ACHE: variants seen among roughly 807,000 people sequenced by gnomAD.
ACHE encodes acetylcholinesterase (Yt blood group), also known as acetylcholinesterase.
A neutral mutation model predicts 53.9 loss-of-function variants in ACHE; 19 were observed. The observed-to-expected ratio is 0.35, with a 90% CI of 0.25 to 0.52. The LOEUF (loss-of-function observed/expected upper bound fraction) is 0.52, where lower values mean the gene tolerates loss of function less well. Among genes scored for constraint, ACHE ranks in the 20% least tolerant of loss-of-function variants. The pLI, the probability that ACHE is intolerant of heterozygous loss-of-function variation, is 0.95. For missense variants in ACHE, 605 were observed against 849.4 expected, an observed-to-expected ratio of 0.71 and a Z score of 3.58; for synonymous variants, 392 against 378.1, an observed-to-expected ratio of 1.04 and a Z score of -0.43.
At chr7:100,894,597 C>G (rs1206875957) in intron 1 of ACHE, among the ~76,000 whole-genome samples, 2 of 92,032 alleles carry the variant, frequency 2.2e-5, no homozygotes, top group Admixed American at 1.2e-4. Flanking sequence ...CCTCAGTCCA[C>G]GAACAGGCCA....
At position 100,892,429 on chromosome 7, in the gene ACHE, A is replaced by G. The variant is rs199565888; in HGVS notation, c.1458T>C (p.Phe486=). Reference sequence around the variant, plus strand: ...TTCGAGAGGGGTCCAGGGGGATCCCAAAGATGAACTCGATCTCGTAGCCGT... The same window carrying G: ...TTCGAGAGGGGTCCAGGGGGATCCCGAAGATGAACTCGATCTCGTAGCCGT... ...VPHGYEIEFI[F]GIPLDPSRNY... is the part of the protein sequence containing the mutation. Residue 486 remains phenylalanine (F), a synonymous_variant, in exon 3 of 5, where the codon TTT becomes TTC. Transcript: ENST00000241069. This position sits in a 1 kb window ranked among gnomAD's most constrained non-coding sequence, Gnocchi z 5.2. The G allele has an allele frequency of 3.2e-6, 5 of 1,541,246 alleles. No homozygotes were observed. The highest frequency in any genetic ancestry group is 2.3e-5 in the East Asian group (1 of 43,872).
At chr7:100,891,390 C>T in intron 3 of ACHE, 52 bp from the exon 4 acceptor site, 1 of 1,476,774 alleles carries the variant, frequency 6.8e-7, no homozygotes, top group Non-Finnish European at 9.0e-7. Context: ...AGGAGGTGGC[C>T]CCCAACTCCA....
At chr7:100,894,353 A>T in intron 1 of ACHE, 101 bp from the exon 2 acceptor site, 2 of 693,944 alleles carry the variant, frequency 2.9e-6, no homozygotes, top group Non-Finnish European at 4.2e-6. Context: ...TCAGCTGCAG[A>T]GGAGGTGGGG....
intron 4 of ACHE, chr7:100,890,569 A>G (rs1790610179): frequency 1.4e-6 from 2 of 1,384,400 alleles, no homozygotes; most frequent in Non-Finnish European, 9.4e-7. Context: ...GAGGAGGAGA[A>G]AAGAATGACC....
chr7:100,894,440 G>A, intron 1 of ACHE, 188 bp from the exon 2 acceptor site: 1 of 456,528 alleles, frequency 2.2e-6, no homozygotes, highest in Non-Finnish European at 3.8e-6. Context: ...CCAGCGGGCA[G>A]GAGGGGAAAG....
chr7:100,891,413 C>G, intron 3 of ACHE, 75 bp from the exon 4 acceptor site: 2 of 1,423,292 alleles, frequency 1.4e-6, no homozygotes, highest in Non-Finnish European at 1.9e-6. Context: ...GGATCCCGGA[C>G]TCTTCAGCTC....
At position 100,892,057 on chromosome 7, in the gene ACHE, G is replaced by C. The variant is rs1317921469; in HGVS notation, c.1553+277C>G. On this transcript the variant is annotated intron_variant, in intron 3 of 4. Coordinates refer to ENST00000241069, the MANE Select transcript of ACHE (RefSeq NM_000665.5). This position sits in a 1 kb window ranked among gnomAD's most constrained non-coding sequence, Gnocchi z 5.2. ...CCCACCTTGGCCTCCCAAAGGGCTGGAATTACAGGGGTGAGCCACTGTGCC... is the reference window on the plus strand; with the variant it reads ...CCCACCTTGGCCTCCCAAAGGGCTGCAATTACAGGGGTGAGCCACTGTGCC... 1.3e-5 allele frequency among the ~76,000 whole-genome samples: 2 copies of C among 151,958 alleles called. No homozygotes were observed. The highest frequency in any genetic ancestry group is 2.9e-5 in the Non-Finnish European group (2 of 67,972).
In ACHE at chr7:100,893,938, C is replaced by T; in HGVS notation, c.295G>A (p.Val99Ile). The change falls in exon 2 of 5, where the codon GTC becomes ATC. Residue 99 changes from valine (V) to isoleucine (I), a missense_variant. Val to Ile is a conservative substitution (Grantham distance 29, BLOSUM62 3). This residue lies in a region of ACHE where 397 missense variants were observed against 632.5 expected (regional missense o/e 0.63). Transcript: ENST00000241069. Reference protein sequence around the residue: ...GVVDATTFQSVCYQYVDTLYP... With the variant: ...GVVDATTFQSICYQYVDTLYP... ...AGGGTGTCCACATATTGGTAGCAGA[C>T]ACTCTGGAAGGTTGTAGCGTCTACC... The T allele has an allele frequency of 6.2e-7, 1 of 1,604,398 alleles. No individual in the cohort carries two copies. The highest frequency in any genetic ancestry group is 8.5e-7 in the Non-Finnish European group (1 of 1,174,788).
intron 3 of ACHE, among the ~76,000 whole-genome samples, chr7:100,891,778 TCTCC>T (rs2115982125): frequency 7.2e-6 from 1 of 138,308 alleles, no homozygotes; most frequent in South Asian, 2.4e-4. Flanking sequence ...TTTGTCTTGG[TCTCC>T]CTTTTTTTTT....
In ACHE at chr7:100,891,345, A is replaced by T. The variant is rs766444226; in HGVS notation, c.1554-7T>A. On this transcript the variant is annotated splice_region_variant and splice_polypyrimidine_tract_variant and intron_variant, in intron 3 of 4. Transcript: ENST00000241069. ...TCGGGGCTCATTGGGATCCCTGCGG[A>T]AGGAAGGGAAGGCTCAGTCCAGACG... is the stretch of plus-strand genomic sequence containing the variant. 6 of 1,533,652 alleles carry T rather than the reference A, an allele frequency of 3.9e-6. No homozygotes were observed. In the East Asian group the frequency reaches 1.4e-4, roughly 35 times the overall value.
At position 100,894,066 on chromosome 7, in the gene ACHE, G is replaced by A. The variant is rs114782198; in HGVS notation, c.167C>T (p.Pro56Leu). ...CAGGAAAGCAGAGACAGGGCCCCCG[G>A]GGGTCTTCAGGCGAATGCCCCGCAG... The part of the protein sequence containing the change: ...GRLRGIRLKT[P>L]GGPVSAFLGI... The change falls in exon 2 of 5, where the codon CCC becomes CTC. Residue 56 changes from proline (P) to leucine (L), a missense_variant. Physicochemically the swap from Pro to Leu is moderately conservative, Grantham distance 98. Coordinates refer to ENST00000241069, the MANE Select transcript of ACHE (RefSeq NM_000665.5). The A allele has an allele frequency of 1.3e-4, 196 of 1,561,684 alleles. 2 individuals carry two copies. The East Asian group carries it at 4.4e-3, about 35-fold the overall frequency.
At chr7:100,894,459 C>G (rs1790918484) in intron 1 of ACHE, 2 of 440,588 alleles carry the variant, frequency 4.5e-6, no homozygotes, top group Non-Finnish European at 8.0e-6. Flanking sequence ...AGAGATCAGG[C>G]AGACACCCAT....
upstream of ACHE, chr7:100,896,695 G>T: frequency 3.2e-6 from 1 of 308,794 alleles, no homozygotes; most frequent in Non-Finnish European, 6.8e-6. Flanking sequence ...TCGTCACCAG[G>T]GTCCGGTCGG....
Position 100,892,335 on chromosome 7 carries a change from C to A in ACHE, c.1552G>T (p.Gly518Trp). The A allele has an allele frequency of 6.6e-7, 1 of 1,512,602 alleles. No individual in the cohort carries two copies. Among genetic ancestry groups the A allele is most frequent in the South Asian group, 1.3e-5 (1 of 74,648 alleles). 93.7% of individuals were successfully genotyped at this position (1,512,602 alleles called of 1,614,324 possible). Residue 518 changes from glycine (G) to tryptophan (W), a missense_variant and splice_region_variant, in exon 3 of 5, where the codon GGG becomes TGG. By Grantham distance (184) the Gly-to-Trp change is radical. This residue lies in a region of ACHE where 91 missense variants were observed against 83.2 expected (regional missense o/e 1.09). Transcript: ENST00000241069. This position sits in a 1 kb window ranked among gnomAD's most constrained non-coding sequence, Gnocchi z 5.2. ...CTTCTCTCCCTCTGCACTGCTGACC[C>A]TGTGCGGGCAAAGTTGGCCCAGTAT... is the stretch of plus-strand genomic sequence containing the variant. The part of the protein sequence containing the change: ...MRYWANFART[G>W]DPNEPRDPKA...
chr7:100,891,922 A>T (rs1035546324), intron 3 of ACHE, among the ~76,000 whole-genome samples: 2 of 151,604 alleles, frequency 1.3e-5, no homozygotes, highest in Non-Finnish European at 2.9e-5. Context: ...CTGGGACTAG[A>T]GGCACGAGCC....
intron 4 of ACHE, 88 bp downstream of exon 4, chr7:100,891,081 C>T: frequency 6.6e-7 from 1 of 1,523,236 alleles, no homozygotes. Flanking sequence ...TGCTGGGAGC[C>T]TCCGAGGCTA....
Position 100,892,941 on chromosome 7 carries a change from A to T in ACHE, c.1069-123T>A, listed in dbSNP as rs184343440. ...GTTACAGACCCGGAACCATGGACAG[A>T]GAGAGGACGAGATCAGGGGAGGGAT... On this transcript the variant is annotated intron_variant, in intron 2 of 4. Coordinates refer to ENST00000241069, the MANE Select transcript of ACHE (RefSeq NM_000665.5). The surrounding 1 kb of genome is among the most constrained non-coding windows in gnomAD (Gnocchi z 5.2). 1 of 1,315,070 alleles carries T rather than the reference A, an allele frequency of 7.6e-7. No homozygotes were observed. Among genetic ancestry groups the T allele is most frequent in the African/African-American group, 1.5e-5 (1 of 67,338 alleles). The allele number at this position is 1,315,070 out of a possible 1,614,324, so 81.5% of individuals were successfully genotyped here.
chr7:100,890,197 T>C lies in ACHE; in HGVS notation c.*17A>G. The C allele has an allele frequency of 6.2e-7, 1 of 1,613,182 alleles. No homozygotes were observed. Among genetic ancestry groups the C allele is most frequent in the South Asian group, 1.1e-5 (1 of 91,056 alleles). ...AGGGGGCCGGGCGGAGCGGAGGACATGGGGGTCCCGCCGGGGTCACAGGTC... is the reference window on the plus strand; with the variant it reads ...AGGGGGCCGGGCGGAGCGGAGGACACGGGGGTCCCGCCGGGGTCACAGGTC... On this transcript the variant is annotated 3_prime_UTR_variant, in exon 5 of 5. Transcript: ENST00000241069.
Position 100,890,006 on chromosome 7 carries a change from T to G in ACHE, c.*208A>C. ...GCGCACACTCCCGTGGCTGTAACAG[T>G]TTATTGGCAGCCCAGAGGGGCGAAG... On this transcript the variant is annotated 3_prime_UTR_variant, in exon 5 of 5. Coordinates refer to ENST00000241069, the MANE Select transcript of ACHE (RefSeq NM_000665.5). 1.8e-6 allele frequency: 1 copy of G among 541,226 alleles called. No individual in the cohort carries two copies. The highest frequency in any genetic ancestry group is 1.9e-5 in the African/African-American group (1 of 52,502). 33.5% of individuals were successfully genotyped at this position (541,226 alleles called of 1,614,324 possible).
Sources: allele counts gnomAD v4.1 joint callset (sites outside exome capture counted in the v4.1 genomes callset), GRCh38; gene constraint gnomAD v4.1.1; regional missense constraint gnomAD v4.1.1; non-coding constraint Gnocchi (gnomAD v3.1); transcripts MANE v1.5; gene names NCBI Gene and HGNC (gene_info 2026-07-23, HGNC 2026-07-21).